The following SMOC1 variants were observed in gnomAD, a reference collection of about 807,000 sequenced individuals.
SMOC1 encodes the protein SPARC-related modular calcium-binding protein 1.
In SMOC1, 22 loss-of-function variants were observed where a neutral mutation model predicts 56.3. The ratio of observed to expected loss-of-function variants is 0.39; its 90% confidence interval spans 0.28 to 0.56. The LOEUF (loss-of-function observed/expected upper bound fraction) is 0.56, where lower values mean the gene tolerates loss of function less well. Among genes scored for constraint, SMOC1 ranks in the 20% least tolerant of loss-of-function variants. The pLI is 0.61. For missense variants in SMOC1, 509 were observed against 565.4 expected (o/e 0.90, Z 1.01); for synonymous variants, 193 against 215.0 (o/e 0.90, Z 0.89).
At chr14:69,945,534 G>A (rs984472014) in intron 1 of SMOC1, among the ~76,000 whole-genome samples, 4 of 152,172 alleles carry the variant, frequency 2.6e-5, no homozygotes, top group African/African-American at 9.7e-5. Context: ...AGTCAAATCT[G>A]TTACCTCAGG....
intron 7 of SMOC1, among the ~76,000 whole-genome samples, chr14:70,009,329 C>T (rs1198656320): frequency 6.6e-6 from 1 of 152,176 alleles, no homozygotes; most frequent in Non-Finnish European, 1.5e-5. Context: ...TTTCTATCAT[C>T]TGACTTATCT....
intron 11 of SMOC1, among the ~76,000 whole-genome samples, chr14:70,026,620 G>T (rs1281769178): frequency 6.6e-6 from 1 of 152,210 alleles, no homozygotes; most frequent in Non-Finnish European, 1.5e-5. Flanking sequence ...CCCCTAGGGT[G>T]CTTTGGAGTG....
intron 1 of SMOC1, among the ~76,000 whole-genome samples, chr14:69,905,353 G>T (rs972500867): frequency 6.6e-6 from 1 of 152,196 alleles, no homozygotes; most frequent in Admixed American, 6.5e-5. Context: ...ACTGCAAGAA[G>T]TTCAGGATGC....
At chr14:70,011,457 A>AT in intron 8 of SMOC1, 28 bp from the exon 9 acceptor site, 30 of 448,404 alleles carry the variant, frequency 6.7e-5, no homozygotes, top group Non-Finnish European at 9.6e-5. Flanking sequence ...AGCCCCTCCC[A>AT]ACCCCCCCCA....
chr14:69,976,020 G>A (rs1047595229), intron 4 of SMOC1, among the ~76,000 whole-genome samples: 1 of 152,192 alleles, frequency 6.6e-6, no homozygotes, highest in Non-Finnish European at 1.5e-5. Flanking sequence ...TGTATTTATG[G>A]ATTTTGAGTT....
intron 3 of SMOC1, among the ~76,000 whole-genome samples, chr14:69,962,766 G>C (rs1158224686): frequency 1.3e-5 from 2 of 151,508 alleles, no homozygotes; most frequent in East Asian, 3.9e-4. Flanking sequence ...TTGTAGAGAC[G>C]ATGTTTTGTC....
At chr14:69,908,145 A>T (rs1884459520) in intron 1 of SMOC1, among the ~76,000 whole-genome samples, 1 of 152,208 alleles carries the variant, frequency 6.6e-6, no homozygotes, top group Non-Finnish European at 1.5e-5. Flanking sequence ...AGTGTGGGGA[A>T]AAAAGTAGGT....
chr14:69,980,100 G>A (rs1297483418), intron 5 of SMOC1, among the ~76,000 whole-genome samples: 1 of 152,194 alleles, frequency 6.6e-6, no homozygotes, highest in African/African-American at 2.4e-5. Context: ...TCAGTTTACA[G>A]TCAACAGTGA....
At chr14:69,961,099 C>T (rs1883353131) in intron 3 of SMOC1, among the ~76,000 whole-genome samples, 1 of 151,832 alleles carries the variant, frequency 6.6e-6, no homozygotes. Context: ...AACCACTAAT[C>T]TACTTTCTAT....
chr14:70,000,170 G>A (rs74061019), intron 7 of SMOC1, among the ~76,000 whole-genome samples: 1 of 152,122 alleles, frequency 6.6e-6, no homozygotes, highest in African/African-American at 2.4e-5. Flanking sequence ...AGTAGACGGG[G>A]TCTACATCTC....
intron 6 of SMOC1, among the ~76,000 whole-genome samples, chr14:69,993,978 T>G (rs749505): frequency 0.031 from 4,677 of 152,306 alleles, 126 homozygotes; most frequent in Middle Eastern, 0.11. Context: ...CTTTCCCACC[T>G]GGAGCAATCT....
chr14:69,906,710 G>T (rs953629607), intron 1 of SMOC1, among the ~76,000 whole-genome samples: 1 of 152,210 alleles, frequency 6.6e-6, no homozygotes, highest in African/African-American at 2.4e-5. Flanking sequence ...GAGAGGGAAG[G>T]CTTGAAGTGG....
chr14:69,922,040 C>T (rs761984230), intron 1 of SMOC1, among the ~76,000 whole-genome samples: 1 of 152,176 alleles, frequency 6.6e-6, no homozygotes, highest in Non-Finnish European at 1.5e-5. Context: ...AGGCAGTGCC[C>T]CAGGTCAGAG....
chr14:69,952,254 C>T lies in SMOC1; in HGVS notation c.216C>T (p.Ala72=). ...AGTCCATGTGTGAGTACCAGCGAGC[C>T]AAGTGCCGAGACCCGACCCTGGGCG... ...SYESMCEYQR[A]KCRDPTLGVV... The change falls in exon 2 of 12, where the codon GCC becomes GCT. Residue 72 remains alanine (A), a synonymous_variant. Coordinates refer to ENST00000361956, the MANE Select transcript of SMOC1 (RefSeq NM_001034852.3). 6.2e-7 allele frequency: 1 copy of T among 1,614,172 alleles called. No homozygotes were observed. The highest frequency in any genetic ancestry group is 1.1e-5 in the South Asian group (1 of 91,080).
rs750536537 is a variant in SMOC1, at chr14:69,879,770, G to A, written c.92G>A (p.Gly31Asp). ...CCTGCTCGCGGCCACCGCACCACAGGCCCCAGGGTAAGTGCGCCCCCAGCT... is the reference window on the plus strand; with the variant it reads ...CCTGCTCGCGGCCACCGCACCACAGACCCCAGGGTAAGTGCGCCCCCAGCT... ...LSPARGHRTT[G>D]PRFLISDRDP... The change falls in exon 1 of 12, where the codon GGC becomes GAC. Residue 31 changes from glycine (G) to aspartate (D), a missense_variant. Coordinates refer to ENST00000361956, the MANE Select transcript of SMOC1 (RefSeq NM_001034852.3). The A allele has an allele frequency of 4.7e-5, 74 of 1,589,266 alleles. No individual in the cohort carries two copies. Among genetic ancestry groups the A allele is most frequent in the Non-Finnish European group, 5.5e-5 (65 of 1,174,788 alleles).
rs557508298 is a variant in SMOC1 at position 69,971,286 on chromosome 14, G to A, written c.379-4429G>A. ...GCCTGCCTCGGCCTCCCAAAGTGCT[G>A]GAATTACAGGCATGAGCCACCGCAC... is the stretch of plus-strand genomic sequence containing the variant. On this transcript the variant is annotated intron_variant, in intron 3 of 11. Transcript: ENST00000361956. Among the ~76,000 whole-genome samples the A allele has an allele frequency of 2.0e-5, 3 of 152,282 alleles. No individual in the cohort carries two copies. The East Asian group carries it at 5.8e-4, about 29-fold the overall frequency.
At chr14:69,964,661 C>T (rs1883502426) in intron 3 of SMOC1, among the ~76,000 whole-genome samples, 1 of 152,168 alleles carries the variant, frequency 6.6e-6, no homozygotes, top group South Asian at 2.1e-4. Flanking sequence ...AAAGGAACTG[C>T]TCTTCTTTTT....
Sources: gnomAD v4.1 joint callset for allele counts (sites outside exome capture counted in the v4.1 genomes callset) on GRCh38, gnomAD v4.1.1 for gene constraint, MANE v1.5 for transcripts, NCBI Gene and HGNC (gene_info 2026-07-23, HGNC 2026-07-21) for gene names.